Variants in PIK3C2G observed in about 807,000 individuals in gnomAD.
PIK3C2G encodes phosphatidylinositol 3-kinase C2 domain-containing subunit gamma.
In PIK3C2G, 168 loss-of-function variants were observed where a neutral mutation model predicts 181.1. The observed-to-expected ratio is 0.93, with a 90% confidence interval of 0.82 to 1.05. The LOEUF (loss-of-function observed/expected upper bound fraction) is 1.05, where lower values mean the gene tolerates loss of function less well. PIK3C2G is among the 50% of genes least tolerant of loss of function. The probability of loss-of-function intolerance (pLI) is 0.00; values close to 1 mark genes in which losing one functional copy is unlikely to be tolerated. For synonymous variants in PIK3C2G, 573 were observed against 592.2 expected (o/e 0.97, Z 0.47); for missense variants, 1,869 against 1,732.8 (o/e 1.08, Z -1.40).
the PIK3C2G span, among the ~76,000 whole-genome samples, chr12:18,666,356 A>T: frequency 1.3e-5 from 2 of 152,108 alleles, no homozygotes; most frequent in Non-Finnish European, 2.9e-5. Context: ...GACACTCCTT[A>T]GATTTACAGA....
chr12:18,665,725 A>G, the PIK3C2G span, among the ~76,000 whole-genome samples: 1 of 152,106 alleles, frequency 6.6e-6, no homozygotes, highest in Non-Finnish European at 1.5e-5. Flanking sequence ...TCACGAGGTC[A>G]GGAGATCGAG....
chr12:18,679,554 C>G, the PIK3C2G span, among the ~76,000 whole-genome samples: 1 of 152,018 alleles, frequency 6.6e-6, no homozygotes, highest in South Asian at 2.1e-4. Flanking sequence ...AAACCATAGG[C>G]AATGTTTATA....
chr12:18,424,486 A>G (rs1945676431), intron 18 of PIK3C2G, among the ~76,000 whole-genome samples: 1 of 152,228 alleles, frequency 6.6e-6, no homozygotes, highest in Non-Finnish European at 1.5e-5. Context: ...TTTCTAGAGC[A>G]CTAAACTTTT....
chr12:18,321,710 C>A (rs1299228217), intron 7 of PIK3C2G, among the ~76,000 whole-genome samples: 5 of 152,084 alleles, frequency 3.3e-5, no homozygotes, highest in Non-Finnish European at 5.9e-5. Context: ...ACCCATATGC[C>A]CATCAGTGAT....
intron 5 of PIK3C2G, among the ~76,000 whole-genome samples, chr12:18,298,813 C>G (rs1376019361): frequency 6.6e-6 from 1 of 151,784 alleles, no homozygotes; most frequent in Non-Finnish European, 1.5e-5. Flanking sequence ...TGTCTTTCCC[C>G]TAAGGTTTGT....
chr12:18,501,595 CTATG>C (rs1941485718), intron 22 of PIK3C2G, among the ~76,000 whole-genome samples: 1 of 152,136 alleles, frequency 6.6e-6, no homozygotes, highest in South Asian at 2.1e-4. Flanking sequence ...ACATATTACT[CTATG>C]TACACAGAAT....
chr12:18,684,781 A>T, the PIK3C2G span, among the ~76,000 whole-genome samples: 1 of 152,002 alleles, frequency 6.6e-6, no homozygotes, highest in African/African-American at 2.4e-5. Context: ...CCCCCACCCA[A>T]ATCTCATCTT....
At chr12:18,475,044 C>T (rs1193169472) in intron 18 of PIK3C2G, among the ~76,000 whole-genome samples, 2 of 151,920 alleles carry the variant, frequency 1.3e-5, no homozygotes, top group Non-Finnish European at 2.9e-5. Context: ...GGGAGAATCT[C>T]ATAAGAACAC....
chr12:18,275,977 T>A (rs1948969026), intron 1 of PIK3C2G, among the ~76,000 whole-genome samples: 1 of 152,202 alleles, frequency 6.6e-6, no homozygotes. Context: ...TCCAGTCCTC[T>A]AATTCATTAC....
intron 3 of PIK3C2G, among the ~76,000 whole-genome samples, chr12:18,289,215 G>A (rs1306156356): frequency 6.6e-6 from 1 of 152,028 alleles, no homozygotes; most frequent in Admixed American, 6.6e-5. Context: ...TTTCAAAAGA[G>A]GTTCTCCAAA....
At chr12:18,364,105 T>G (rs1941466962) in intron 12 of PIK3C2G, among the ~76,000 whole-genome samples, 2 of 152,184 alleles carry the variant, frequency 1.3e-5, no homozygotes, top group African/African-American at 4.8e-5. Context: ...CCTACCTATC[T>G]CTGCATCTTT....
intron 20 of PIK3C2G, among the ~76,000 whole-genome samples, chr12:18,494,894 A>G (rs1940876280): frequency 6.6e-6 from 1 of 151,968 alleles, no homozygotes; most frequent in Non-Finnish European, 1.5e-5. Context: ...TAACTGACCT[A>G]TCAACACAAA....
downstream of PIK3C2G, among the ~76,000 whole-genome samples, chr12:18,651,721 C>G (rs1366321696): frequency 6.6e-6 from 1 of 152,182 alleles, no homozygotes; most frequent in Non-Finnish European, 1.5e-5. Context: ...AAGTCAGACT[C>G]ACCACCAATG....
the PIK3C2G span, among the ~76,000 whole-genome samples, chr12:18,688,514 T>C: frequency 6.6e-6 from 1 of 151,886 alleles, no homozygotes; most frequent in African/African-American, 2.4e-5. Context: ...TTCAGGGAAT[T>C]CAGGTCGAGT....
At chr12:18,424,620 T>G (rs2135721765) in intron 18 of PIK3C2G, 1 of 179,338 alleles carries the variant, frequency 5.6e-6, no homozygotes. Context: ...CTGCCAGAAC[T>G]TAGCTTCTGT....
chr12:18,299,813 C>A (rs1279562449), intron 5 of PIK3C2G, among the ~76,000 whole-genome samples: 1 of 151,916 alleles, frequency 6.6e-6, no homozygotes, highest in Admixed American at 6.6e-5. Context: ...ATTCTTCATT[C>A]TGTGGTCATG....
intron 1 of PIK3C2G, among the ~76,000 whole-genome samples, chr12:18,271,584 G>A (rs1405121483): frequency 6.6e-6 from 1 of 152,076 alleles, no homozygotes; most frequent in Non-Finnish European, 1.5e-5. Context: ...GCCACAAGTG[G>A]ACAAAGTGAG....
chr12:18,707,586 T>A, the PIK3C2G span, among the ~76,000 whole-genome samples: 1 of 152,308 alleles, frequency 6.6e-6, no homozygotes, highest in Middle Eastern at 3.4e-3. Context: ...GTCATACTTA[T>A]GAGGGTTTTT....
At chr12:18,725,915 C>T in the PIK3C2G span, among the ~76,000 whole-genome samples, 2 of 152,086 alleles carry the variant, frequency 1.3e-5, no homozygotes, top group South Asian at 2.1e-4. Context: ...TAAAATATCC[C>T]TTCTCTGGGT....
Sources: allele counts gnomAD v4.1 joint callset (sites outside exome capture counted in the v4.1 genomes callset), GRCh38; gene constraint gnomAD v4.1.1; transcripts MANE v1.5; gene names NCBI Gene and HGNC (gene_info 2026-07-23, HGNC 2026-07-21).